ACMSD: variants seen among roughly 807,000 people sequenced by gnomAD.
ACMSD encodes aminocarboxymuconate semialdehyde decarboxylase.
A neutral mutation model predicts 45.9 loss-of-function variants in ACMSD; 37 were observed. The observed-to-expected ratio is 0.81, with a 90% CI of 0.62 to 1.06. The LOEUF (loss-of-function observed/expected upper bound fraction) is 1.06, where lower values mean the gene tolerates loss of function less well. ACMSD is among the 50% of genes least tolerant of loss of function. The pLI, the probability that ACMSD is intolerant of heterozygous loss-of-function variation, is 0.00. For synonymous variants in ACMSD, 138 were observed against 148.8 expected (o/e 0.93, Z 0.53); for missense variants, 434 against 420.9 (o/e 1.03, Z -0.27).
In ACMSD at chr2:134,871,799, C is replaced by A. The variant is rs1007048982; in HGVS notation, c.677-670C>A. ...TCTTTCCAGGTCAACAAATACAGAG[C>A]TTCATCATTTTTTATGGTGTCATGT... On this transcript the variant is annotated intron_variant, in intron 7 of 9. Coordinates refer to ENST00000356140, the MANE Select transcript of ACMSD (RefSeq NM_138326.3). Among the ~76,000 whole-genome samples, 9 of 151,678 alleles carry A rather than the reference C, an allele frequency of 5.9e-5. No individual in the cohort carries two copies. In the East Asian group the frequency reaches 1.7e-3, roughly 29 times the overall value.
intron 1 of ACMSD, among the ~76,000 whole-genome samples, chr2:134,843,362 A>G (rs1686894451): frequency 1.3e-5 from 2 of 152,206 alleles, no homozygotes; most frequent in African/African-American, 4.8e-5. Context: ...AGGTAATATG[A>G]TAATTTGGGG....
chr2:134,840,438 C>T (rs545671163), intron 1 of ACMSD, among the ~76,000 whole-genome samples: 55 of 152,160 alleles, frequency 3.6e-4, no homozygotes, highest in African/African-American at 1.3e-3. Flanking sequence ...TATGTCCCCC[C>T]CAAAATTCAG....
At chr2:134,895,601 C>G (rs1367900095) in intron 8 of ACMSD, among the ~76,000 whole-genome samples, 3 of 151,908 alleles carry the variant, frequency 2.0e-5, no homozygotes, top group Non-Finnish European at 4.4e-5. Context: ...TGGCTCACAC[C>G]TGTAATCCCA....
intron 8 of ACMSD, among the ~76,000 whole-genome samples, chr2:134,892,654 A>G (rs1344268613): frequency 6.6e-6 from 1 of 152,096 alleles, no homozygotes; most frequent in Non-Finnish European, 1.5e-5. Context: ...AAGGGAGTCC[A>G]TTGTATACTT....
At chr2:134,867,366 C>A in intron 5 of ACMSD, 1 of 366,648 alleles carries the variant, frequency 2.7e-6, no homozygotes, top group Non-Finnish European at 4.8e-6. Context: ...TACCAACCCC[C>A]TTTGTTAATT....
Position 134,852,341 on chromosome 2 carries a change from G to C in ACMSD, c.103-6920G>C, listed in dbSNP as rs559479973. Among the ~76,000 whole-genome samples, 427 of 152,280 alleles carry C rather than the reference G, an allele frequency of 2.8e-3. 1 individual carries two copies. Among genetic ancestry groups the C allele is most frequent in the Admixed American group, 5.1e-3 (78 of 15,288 alleles). On this transcript the variant is annotated intron_variant, in intron 2 of 9. Transcript: ENST00000356140. ...TTGAAAGGGAGTCAGAATGGAAGCA[G>C]GGAGATGGGGCTGGAGGCTGAGAAA...
At chr2:134,873,830 C>T (rs6430553) in intron 8 of ACMSD, among the ~76,000 whole-genome samples, 76,332 of 151,900 alleles carry the variant, frequency 0.5, 20,058 homozygotes, top group Middle Eastern at 0.81. Context: ...GATGAGAAGG[C>T]ATGTAAGCAG....
intron 8 of ACMSD, among the ~76,000 whole-genome samples, chr2:134,886,610 TAGAG>T (rs1689473084): frequency 6.6e-6 from 1 of 152,006 alleles, no homozygotes; most frequent in Non-Finnish European, 1.5e-5. Context: ...CTCAATCTGA[TAGAG>T]ATTGTCATAA....
intron 1 of ACMSD, among the ~76,000 whole-genome samples, chr2:134,843,604 T>C (rs1226727697): frequency 6.6e-6 from 1 of 151,936 alleles, no homozygotes; most frequent in Non-Finnish European, 1.5e-5. Context: ...CACCACAGCA[T>C]GAGAACCAAC....
chr2:134,895,980 G>C (rs1286287484), intron 8 of ACMSD, among the ~76,000 whole-genome samples: 2 of 152,132 alleles, frequency 1.3e-5, no homozygotes, highest in East Asian at 3.8e-4. Flanking sequence ...GACTCTATGG[G>C]ACTAGCCTAA....
In ACMSD at chr2:134,850,102, T is replaced by G. The variant is rs537619158; in HGVS notation, c.102+4825T>G. Among the ~76,000 whole-genome samples, 229 of 147,000 alleles carry G rather than the reference T, an allele frequency of 1.6e-3. 2 individuals carry two copies. The South Asian group carries it at 0.027, about 17-fold the overall frequency. On this transcript the variant is annotated intron_variant, in intron 2 of 9. Transcript: ENST00000356140. The stretch of plus-strand genomic sequence containing the variant: ...GTATCCCCCGCCCCCCAAATTCATA[T>G]GTCGAAGTACTAACCCCCTTAAAAA...
intron 1 of ACMSD, among the ~76,000 whole-genome samples, chr2:134,839,050 G>A (rs1686663609): frequency 6.6e-6 from 1 of 152,042 alleles, no homozygotes; most frequent in African/African-American, 2.4e-5. Context: ...TTCAGCTGCT[G>A]GGAAGATACA....
chr2:134,880,424 C>G (rs892712914), intron 8 of ACMSD, among the ~76,000 whole-genome samples: 2 of 152,116 alleles, frequency 1.3e-5, no homozygotes, highest in African/African-American at 4.8e-5. Flanking sequence ...CTTTTTCTCT[C>G]TAGAATTCCT....
chr2:134,894,347 A>G (rs1277600782), intron 8 of ACMSD, among the ~76,000 whole-genome samples: 1 of 152,138 alleles, frequency 6.6e-6, no homozygotes, highest in Non-Finnish European at 1.5e-5. Context: ...AATTTGAGCA[A>G]CTATATGACA....
chr2:134,895,900 T>C (rs1690121823), intron 8 of ACMSD, among the ~76,000 whole-genome samples: 1 of 151,892 alleles, frequency 6.6e-6, no homozygotes, highest in African/African-American at 2.4e-5. Flanking sequence ...AGCCAAACAA[T>C]CTAGAAAAAA....
intron 8 of ACMSD, among the ~76,000 whole-genome samples, chr2:134,875,390 T>G (rs1393067859): frequency 6.6e-6 from 1 of 152,196 alleles, no homozygotes; most frequent in Admixed American, 6.5e-5. Context: ...AATATAAATT[T>G]TAAATAACAT....
chr2:134,861,969 G>A lies in ACMSD; in HGVS notation c.200G>A (p.Gly67Glu). 1.2e-6 allele frequency: 2 copies of A among 1,614,104 alleles called. No homozygotes were observed. Among genetic ancestry groups the A allele is most frequent in the Non-Finnish European group, 1.7e-6 (2 of 1,180,020 alleles). ...EVRIREMDQK[G>E]VTVQALSTVP... ...TGCCCTTCTTTGTGTCCATGTCTAG[G>A]AGTAACAGTGCAAGCCCTTTCCACA... The change falls in exon 4 of 10, where the codon GGA (glycine) becomes GAA (glutamate). Residue 67 changes from glycine to glutamate, a missense_variant and splice_region_variant. Gly to Glu is a moderately conservative substitution (Grantham distance 98). Transcript: ENST00000356140.
chr2:134,858,449 A>T (rs1251743973), intron 2 of ACMSD, among the ~76,000 whole-genome samples: 1 of 152,184 alleles, frequency 6.6e-6, no homozygotes, highest in Non-Finnish European at 1.5e-5. Context: ...CTATTGCACA[A>T]TATGGTGACT....
intron 8 of ACMSD, among the ~76,000 whole-genome samples, chr2:134,892,831 A>G (rs970607292): frequency 1.3e-5 from 2 of 152,198 alleles, no homozygotes; most frequent in African/African-American, 2.4e-5. Flanking sequence ...CATGATGTTG[A>G]GTAAATACTT....
Sources: gnomAD v4.1 joint callset for allele counts (sites outside exome capture counted in the v4.1 genomes callset) on GRCh38, gnomAD v4.1.1 for gene constraint, MANE v1.5 for transcripts, NCBI Gene and HGNC (gene_info 2026-07-23, HGNC 2026-07-21) for gene names.